Variants in AKAP7 observed in about 807,000 individuals in gnomAD.
AKAP7 encodes A-kinase anchoring protein 7, also known as A kinase (PRKA) anchor protein 7.
AKAP7 carries 39 observed loss-of-function variants against 39.5 expected under a neutral mutation model. The ratio of observed to expected loss-of-function variants is 0.99; its 90% CI spans 0.76 to 1.29. The LOEUF (loss-of-function observed/expected upper bound fraction) is 1.29, where lower values mean the gene tolerates loss of function less well. AKAP7 is among the 50% of genes most tolerant of loss of function. The pLI, the probability that AKAP7 is intolerant of heterozygous loss-of-function variation, is 0.00. For missense variants in AKAP7, 414 were observed against 407.7 expected, an observed-to-expected ratio of 1.02 and a Z score of -0.13; for synonymous variants, 140 against 139.1, an observed-to-expected ratio of 1.01 and a Z score of -0.05.
Position 131,198,284 on chromosome 6 carries a change from G to T in AKAP7, c.590-1177G>T, listed in dbSNP as rs1242380820. ...TCTACTAATTCTAACCTCTATGTCA[G>T]TTCTGAGTAACTTTTGATTAATTGA... is the stretch of plus-strand genomic sequence containing the variant. On this transcript the variant is annotated intron_variant, in intron 5 of 7. Coordinates refer to ENST00000431975, the MANE Select transcript of AKAP7 (RefSeq NM_016377.4). Among the ~76,000 whole-genome samples the T allele has an allele frequency of 4.6e-5, 7 of 152,224 alleles. No individual in the cohort carries two copies. In the East Asian group the frequency reaches 1.2e-3, roughly 25 times the overall value.
intron 7 of AKAP7, among the ~76,000 whole-genome samples, chr6:131,235,134 A>C (rs1163347110): frequency 1.3e-5 from 2 of 151,638 alleles, no homozygotes; most frequent in Non-Finnish European, 2.9e-5. Flanking sequence ...TTCAATTCCC[A>C]CCTATGAATG....
chr6:131,250,295 C>T lies in AKAP7; in HGVS notation c.850+30487C>T, dbSNP rs1002741837. 4.4e-5 allele frequency: 54 copies of T among 1,239,498 alleles called. 1 individual carries two copies. In the Admixed American group the frequency reaches 9.8e-4, roughly 23 times the overall value. The allele number at this position is 1,239,498 out of a possible 1,614,324, so 76.8% of individuals were successfully genotyped here. On this transcript the variant is annotated intron_variant, in intron 7 of 7. Transcript: ENST00000431975. ...AGGGACTCACAGTTTTGTGAGAATACGGGAGCGTATAGCCACTTCCTTCAC... is the reference window on the plus strand; with the variant it reads ...AGGGACTCACAGTTTTGTGAGAATATGGGAGCGTATAGCCACTTCCTTCAC...
intron 7 of AKAP7, among the ~76,000 whole-genome samples, chr6:131,262,889 A>C (rs1052199030): frequency 1.3e-5 from 2 of 152,238 alleles, no homozygotes; most frequent in African/African-American, 4.8e-5. Context: ...GAGATAGCAA[A>C]TTAGATTGGA....
rs938404793 is a variant in AKAP7 at position 131,135,500 on chromosome 6, GTGCTGCGGC to G, written c.-251_-243del. Reference sequence around the variant, plus strand: ...TTCCGGCGTCCGGCCTGGCATGCGGGTGCTGCGGCTGCTGCGGCTGCCGCCGCCGCTGCT... The same window carrying G: ...TTCCGGCGTCCGGCCTGGCATGCGGGTGCTGCGGCTGCCGCCGCCGCTGCT... On this transcript the variant is annotated 5_prime_UTR_variant, in exon 1 of 8. Coordinates refer to ENST00000431975, the MANE Select transcript of AKAP7 (RefSeq NM_016377.4). Among the ~76,000 whole-genome samples, 56 of 148,542 alleles carry G rather than the reference GTGCTGCGGC, an allele frequency of 3.8e-4. No individual in the cohort carries two copies. The highest frequency in any genetic ancestry group is 7.4e-4 in the African/African-American group (30 of 40,754).
At chr6:131,232,184 G>A (rs551480023) in intron 7 of AKAP7, among the ~76,000 whole-genome samples, 77 of 152,178 alleles carry the variant, frequency 5.1e-4, no homozygotes, top group Non-Finnish European at 7.9e-4. Context: ...TTAAAGGAGC[G>A]GTGCTAAGTT....
intron 7 of AKAP7, among the ~76,000 whole-genome samples, chr6:131,226,681 G>C (rs1008304163): frequency 3.3e-5 from 5 of 152,218 alleles, no homozygotes; most frequent in African/African-American, 1.2e-4. Flanking sequence ...GAGCAATTTA[G>C]TGCTTGCAAA....
rs76953576 is a variant in AKAP7 at position 131,215,353 on chromosome 6, C to A, written c.703-4308C>A. On this transcript the variant is annotated intron_variant, in intron 6 of 7. Coordinates refer to ENST00000431975, the MANE Select transcript of AKAP7 (RefSeq NM_016377.4). ...GGAAGGCCGCAAGGCCGTTCTCACC[C>A]TGGGTGCTGGACATGATCTGAAATC... Among the ~76,000 whole-genome samples, 357 of 152,344 alleles carry A rather than the reference C, an allele frequency of 2.3e-3. 2 individuals are homozygous for A. The highest frequency in any genetic ancestry group is 8.0e-3 in the African/African-American group (331 of 41,580).
At chr6:131,273,203 C>T (rs1814437117) in intron 7 of AKAP7, among the ~76,000 whole-genome samples, 2 of 152,128 alleles carry the variant, frequency 1.3e-5, no homozygotes, top group Admixed American at 1.3e-4. Flanking sequence ...TTTAACCTTC[C>T]TGTCTCTTCA....
At chr6:131,249,347 G>GT (rs890735312) in intron 7 of AKAP7, among the ~76,000 whole-genome samples, 13 of 151,540 alleles carry the variant, frequency 8.6e-5, no homozygotes, top group African/African-American at 1.2e-4. Context: ...CATCTTCACT[G>GT]TTTTTTTTAA....
chr6:131,162,729 C>T (rs1803101555), intron 3 of AKAP7, among the ~76,000 whole-genome samples: 1 of 152,194 alleles, frequency 6.6e-6, no homozygotes, highest in Non-Finnish European at 1.5e-5. Context: ...CCAGGAAAAG[C>T]CTTCTCTGGC....
chr6:131,207,553 T>C (rs1488142412), intron 6 of AKAP7, among the ~76,000 whole-genome samples: 1 of 147,438 alleles, frequency 6.8e-6, no homozygotes, highest in Non-Finnish European at 1.5e-5. Flanking sequence ...CAGGCTGGTC[T>C]TGAACTCCTG....
At chr6:131,248,846 C>T (rs994108278) in intron 7 of AKAP7, among the ~76,000 whole-genome samples, 1 of 152,132 alleles carries the variant, frequency 6.6e-6, no homozygotes, top group Admixed American at 6.5e-5. Flanking sequence ...AAAACATACA[C>T]CTGTATTCAC....
At chr6:131,161,233 A>G (rs1262707956) in intron 3 of AKAP7, among the ~76,000 whole-genome samples, 1 of 152,226 alleles carries the variant, frequency 6.6e-6, no homozygotes, top group African/African-American at 2.4e-5. Context: ...GAGAAGATAT[A>G]CATAACAAGA....
chr6:131,175,204 G>T (rs1257907168), intron 5 of AKAP7, among the ~76,000 whole-genome samples: 1 of 152,168 alleles, frequency 6.6e-6, no homozygotes, highest in African/African-American at 2.4e-5. Flanking sequence ...GTGGACTGAG[G>T]AAGAGGAGGA....
At chr6:131,207,517 TAGATATGGGG>T (rs1808242356) in intron 6 of AKAP7, among the ~76,000 whole-genome samples, 2 of 141,564 alleles carry the variant, frequency 1.4e-5, no homozygotes, top group African/African-American at 5.5e-5. Flanking sequence ...TTTTTTTTTT[TAGATATGGGG>T]TGTTGCTATG....
chr6:131,181,060 T>G (rs1255716926), intron 5 of AKAP7, among the ~76,000 whole-genome samples: 1 of 152,022 alleles, frequency 6.6e-6, no homozygotes, highest in Middle Eastern at 3.4e-3. Context: ...CTCAGCCTCC[T>G]GAGTAGCTGG....
At chr6:131,230,270 C>CTTTTT (rs1810523262) in intron 7 of AKAP7, among the ~76,000 whole-genome samples, 1 of 152,158 alleles carries the variant, frequency 6.6e-6, no homozygotes, top group South Asian at 2.1e-4. Context: ...TGTTTTTTGA[C>CTTTTT]TTTTTATTAA....
At chr6:131,212,689 G>A (rs896672089) in intron 6 of AKAP7, among the ~76,000 whole-genome samples, 3 of 152,148 alleles carry the variant, frequency 2.0e-5, no homozygotes, top group African/African-American at 7.2e-5. Flanking sequence ...ATACTCCTGG[G>A]TAGTTAGGCA....
intron 5 of AKAP7, among the ~76,000 whole-genome samples, chr6:131,181,645 T>G (rs1805254887): frequency 6.6e-6 from 1 of 152,212 alleles, no homozygotes; most frequent in African/African-American, 2.4e-5. Context: ...GATTCTTGCC[T>G]GTGTATTTAG....
Sources: allele counts gnomAD v4.1 joint callset (sites outside exome capture counted in the v4.1 genomes callset), GRCh38; gene constraint gnomAD v4.1.1; transcripts MANE v1.5; gene names NCBI Gene and HGNC (gene_info 2026-07-23, HGNC 2026-07-21).